Variants in CPQ observed in about 807,000 individuals in gnomAD.
The protein encoded by CPQ is carboxypeptidase Q, also known as Ser-Met dipeptidase.
Under a neutral mutation model 45.7 loss-of-function variants are expected in CPQ, and 37 were observed. The observed-to-expected ratio is 0.81, with a 90% confidence interval of 0.62 to 1.07. CPQ has a LOEUF of 1.07. CPQ is among the 50% of genes least tolerant of loss of function. CPQ has a pLI of 0.00. For synonymous variants in CPQ, 186 were observed against 205.8 expected (o/e 0.90, Z 0.82); for missense variants, 537 against 572.9 (o/e 0.94, Z 0.64).
intron 4 of CPQ, among the ~76,000 whole-genome samples, chr8:96,911,904 T>C (rs761626965): frequency 2.6e-5 from 4 of 152,190 alleles, no homozygotes; most frequent in Non-Finnish European, 5.9e-5. Flanking sequence ...CAGGCTGTAG[T>C]ATCGGCCAGA....
chr8:96,923,356 C>A (rs775038859), intron 4 of CPQ, among the ~76,000 whole-genome samples: 7 of 152,208 alleles, frequency 4.6e-5, no homozygotes, highest in Non-Finnish European at 1.0e-4. Context: ...GAAATGCCTC[C>A]TTTCCGTTCC....
At chr8:96,681,146 G>A (rs141110862) in intron 1 of CPQ, among the ~76,000 whole-genome samples, 134 of 152,318 alleles carry the variant, frequency 8.8e-4, no homozygotes, top group African/African-American at 3.1e-3. Context: ...CAAGCTGGCT[G>A]TAGAAATTTA....
At chr8:97,121,874 T>C (rs562405068) in intron 7 of CPQ, among the ~76,000 whole-genome samples, 1 of 152,210 alleles carries the variant, frequency 6.6e-6, no homozygotes, top group East Asian at 1.9e-4. Flanking sequence ...AAAATTCACC[T>C]TATGGGCTCA....
chr8:96,970,725 G>A (rs1247482803), intron 5 of CPQ, among the ~76,000 whole-genome samples: 4 of 152,008 alleles, frequency 2.6e-5, no homozygotes, highest in Admixed American at 6.5e-5. Flanking sequence ...TACCACGCCC[G>A]GCTAATTTTT....
At chr8:96,769,626 ATTTT>A (rs34672966) in intron 1 of CPQ, among the ~76,000 whole-genome samples, 6 of 112,660 alleles carry the variant, frequency 5.3e-5, no homozygotes, top group Admixed American at 9.4e-5. Flanking sequence ...TGTTTACTGG[ATTTT>A]TTTTTTTTTT....
In CPQ at chr8:96,663,746, G is replaced by A. The variant is rs186506653; in HGVS notation, c.-35+18344G>A. On this transcript the variant is annotated intron_variant, in intron 1 of 7. Transcript: ENST00000220763. ...TAAACTTCTATTGAACAAATATTGT[G>A]TGTGTAGGTGTGTGTTTGTGTGTGT... Among the ~76,000 whole-genome samples, 61 of 152,158 alleles carry A rather than the reference G, an allele frequency of 4.0e-4. 2 individuals are homozygous for A. The East Asian group carries it at 9.7e-3, about 24-fold the overall frequency.
intron 7 of CPQ, 99 bp downstream of exon 7, chr8:97,066,309 T>C: frequency 1.9e-6 from 2 of 1,075,226 alleles, no homozygotes; most frequent in Admixed American, 2.8e-5. Flanking sequence ...GTAGGCCAGG[T>C]TGTCCACGGA....
intron 5 of CPQ, among the ~76,000 whole-genome samples, chr8:97,025,499 A>G (rs896922661): frequency 3.0e-4 from 45 of 152,110 alleles, no homozygotes; most frequent in African/African-American, 1.0e-3. Flanking sequence ...CAAAACCTCA[A>G]TGAGACCTGA....
At chr8:96,658,012 T>C (rs1015118549) in intron 1 of CPQ, among the ~76,000 whole-genome samples, 1 of 152,244 alleles carries the variant, frequency 6.6e-6, no homozygotes, top group Admixed American at 6.5e-5. Flanking sequence ...ATTTGAGTAT[T>C]TTAAATCATT....
intron 4 of CPQ, among the ~76,000 whole-genome samples, chr8:96,922,815 A>G (rs529247561): frequency 5.9e-5 from 9 of 152,322 alleles, no homozygotes; most frequent in African/African-American, 2.2e-4. Flanking sequence ...ATACATACAC[A>G]GGTTATAATA....
chr8:96,809,532 C>A (rs1811131334), intron 2 of CPQ, among the ~76,000 whole-genome samples: 1 of 152,110 alleles, frequency 6.6e-6, no homozygotes, highest in South Asian at 2.1e-4. Context: ...GAAATTCTAT[C>A]AAAGGCAAAA....
chr8:96,724,998 G>A (rs755875251), intron 1 of CPQ, among the ~76,000 whole-genome samples: 2 of 152,056 alleles, frequency 1.3e-5, no homozygotes, highest in African/African-American at 2.4e-5. Context: ...CTTCCTATTC[G>A]ATAAGTGGTG....
At chr8:96,654,209 G>C (rs912839859) in intron 1 of CPQ, among the ~76,000 whole-genome samples, 4 of 152,146 alleles carry the variant, frequency 2.6e-5, no homozygotes, top group Admixed American at 6.5e-5. Flanking sequence ...GTGTCTATTA[G>C]CTCTTGAATT....
At chr8:96,927,674 C>T (rs1812909972) in intron 4 of CPQ, among the ~76,000 whole-genome samples, 3 of 152,166 alleles carry the variant, frequency 2.0e-5, no homozygotes, top group Admixed American at 2.0e-4. Flanking sequence ...TATGCTGTCT[C>T]ATTGGAGGGA....
intron 6 of CPQ, among the ~76,000 whole-genome samples, chr8:97,062,384 C>T (rs1810565336): frequency 6.6e-6 from 1 of 152,144 alleles, no homozygotes; most frequent in African/African-American, 2.4e-5. Context: ...ATCAGGAATA[C>T]AACAGACTGA....
At chr8:96,964,676 T>C (rs1813525635) in intron 4 of CPQ, among the ~76,000 whole-genome samples, 1 of 152,142 alleles carries the variant, frequency 6.6e-6, no homozygotes, top group Non-Finnish European at 1.5e-5. Context: ...TGTTAACCAA[T>C]GTGTGAGGAT....
At chr8:96,744,371 C>G (rs1464390159) in intron 1 of CPQ, among the ~76,000 whole-genome samples, 1 of 152,236 alleles carries the variant, frequency 6.6e-6, no homozygotes, top group African/African-American at 2.4e-5. Context: ...CCTGTGCCCA[C>G]TGTCTGGCAC....
chr8:96,716,776 G>A lies in CPQ; in HGVS notation c.-34-68088G>A, dbSNP rs533722092. Among the ~76,000 whole-genome samples the A allele has an allele frequency of 5.0e-4, 76 of 151,822 alleles. 1 individual carries two copies. Among genetic ancestry groups the A allele is most frequent in the African/African-American group, 1.7e-3 (70 of 41,394 alleles). On this transcript the variant is annotated intron_variant, in intron 1 of 7. Transcript: ENST00000220763. ...TACAACATTAGCTGGGTGTGTTGGC[G>A]TGGGCCTGTAATCCCAGCTACTTGG...
chr8:96,762,494 CATT>C (rs1196142390), intron 1 of CPQ, among the ~76,000 whole-genome samples: 8 of 152,162 alleles, frequency 5.3e-5, no homozygotes, highest in Non-Finnish European at 2.9e-5. Flanking sequence ...CAGATCCAAA[CATT>C]ATGTTAATAA....
Sources: gnomAD v4.1 joint callset for allele counts (sites outside exome capture counted in the v4.1 genomes callset) on GRCh38, gnomAD v4.1.1 for gene constraint, MANE v1.5 for transcripts, NCBI Gene and HGNC (gene_info 2026-07-23, HGNC 2026-07-21) for gene names.